MAP2K6: variants seen among roughly 807,000 people sequenced by gnomAD.
MAP2K6 encodes the protein mitogen-activated protein kinase kinase 6.
A neutral mutation model predicts 53.7 loss-of-function variants in MAP2K6; 16 were observed. That is an observed-to-expected ratio of 0.30 (90% CI 0.20 to 0.45). The LOEUF is 0.45. MAP2K6 is among the 20% of genes least tolerant of loss of function. MAP2K6 has a pLI of 1.00. For missense variants in MAP2K6, 204 were observed against 411.9 expected (o/e 0.50, Z 4.37); for synonymous variants, 132 against 143.1 (o/e 0.92, Z 0.55).
intron 8 of MAP2K6, 122 bp from the exon 9 acceptor site, chr17:69,524,779 A>G: frequency 1.6e-6 from 1 of 610,176 alleles, no homozygotes; most frequent in Non-Finnish European, 3.0e-6. Flanking sequence ...CCTTGGTGGC[A>G]TGTTAACAGC....
At chr17:69,506,404 T>C (rs1909473204) in intron 2 of MAP2K6, among the ~76,000 whole-genome samples, 1 of 79,434 alleles carries the variant, frequency 1.3e-5, no homozygotes, top group African/African-American at 5.0e-5. Flanking sequence ...GATGTCTCCT[T>C]CTTGTTTTTT....
At chr17:69,521,207 C>A in intron 7 of MAP2K6, 107 bp downstream of exon 7, 3 of 929,492 alleles carry the variant, frequency 3.2e-6, no homozygotes, top group South Asian at 1.5e-5. Flanking sequence ...AGAATTGACT[C>A]AGGCAAGAGA....
chr17:69,483,397 A>C (rs773381119), intron 1 of MAP2K6, among the ~76,000 whole-genome samples: 1 of 152,132 alleles, frequency 6.6e-6, no homozygotes, highest in Non-Finnish European at 1.5e-5. Flanking sequence ...AAATTTAACG[A>C]AAGAAATGCA....
intron 1 of MAP2K6, among the ~76,000 whole-genome samples, chr17:69,463,454 A>G (rs1182135812): frequency 6.7e-6 from 1 of 149,810 alleles, no homozygotes; most frequent in Non-Finnish European, 1.5e-5. Context: ...ACTAATATAC[A>G]TATATGTATG....
chr17:69,505,143 A>T (rs12946809), intron 1 of MAP2K6, among the ~76,000 whole-genome samples: 1 of 151,508 alleles, frequency 6.6e-6, no homozygotes, highest in Non-Finnish European at 1.5e-5. Context: ...GAAAAAAAAA[A>T]CAAAAACAAA....
At chr17:69,473,886 T>C (rs560223985) in intron 1 of MAP2K6, among the ~76,000 whole-genome samples, 1 of 152,366 alleles carries the variant, frequency 6.6e-6, no homozygotes, top group East Asian at 1.9e-4. Context: ...AGCCTCCCTC[T>C]ACCCTGGTAT....
chr17:69,517,370 A>G (rs917748708), intron 3 of MAP2K6, 130 bp from the exon 4 acceptor site: 1 of 500,730 alleles, frequency 2.0e-6, no homozygotes, highest in African/African-American at 2.0e-5. Flanking sequence ...GGCTGCTTTG[A>G]CATGCTAGAA....
chr17:69,465,653 CTT>C (rs1388481121), intron 1 of MAP2K6, among the ~76,000 whole-genome samples: 1 of 147,402 alleles, frequency 6.8e-6, no homozygotes, highest in Non-Finnish European at 1.5e-5. Context: ...AAGTTTCGCT[CTT>C]GTTGTCCAGG....
intron 1 of MAP2K6, among the ~76,000 whole-genome samples, chr17:69,485,925 A>G (rs561890303): frequency 1.3e-4 from 20 of 152,268 alleles, no homozygotes; most frequent in African/African-American, 3.9e-4. Context: ...AACTTTCCTT[A>G]GATGTTTATG....
At chr17:69,444,871 C>T (rs932176969) in intron 1 of MAP2K6, among the ~76,000 whole-genome samples, 2 of 152,190 alleles carry the variant, frequency 1.3e-5, no homozygotes, top group Non-Finnish European at 1.5e-5. Context: ...ATGCCACTAA[C>T]TTTCATTTAC....
intron 1 of MAP2K6, among the ~76,000 whole-genome samples, chr17:69,460,093 C>G (rs950986874): frequency 3.3e-4 from 50 of 151,446 alleles, no homozygotes; most frequent in Middle Eastern, 3.4e-3. Context: ...CAGACACATC[C>G]CAGATAGCAC....
intron 1 of MAP2K6, among the ~76,000 whole-genome samples, chr17:69,448,448 C>T (rs1290483294): frequency 6.6e-6 from 1 of 152,060 alleles, no homozygotes; most frequent in Non-Finnish European, 1.5e-5. Flanking sequence ...AGGTGCGGAC[C>T]TTTCTGTTCC....
chr17:69,502,494 T>TA (rs1254747564), intron 1 of MAP2K6: 1 of 985,340 alleles, frequency 1.0e-6, no homozygotes, highest in African/African-American at 1.7e-5. Context: ...GGCAGAGTAT[T>TA]TTCTAACACT....
At chr17:69,448,598 T>G (rs1907061436) in intron 1 of MAP2K6, among the ~76,000 whole-genome samples, 1 of 152,028 alleles carries the variant, frequency 6.6e-6, no homozygotes, top group Non-Finnish European at 1.5e-5. Context: ...TGTATTTTCT[T>G]TCTGCTTTTT....
intron 1 of MAP2K6, among the ~76,000 whole-genome samples, chr17:69,425,668 A>G (rs559363655): frequency 2.0e-5 from 3 of 152,332 alleles, no homozygotes; most frequent in Admixed American, 6.5e-5. Context: ...AGCTATACCT[A>G]TGCCTCAGTT....
At chr17:69,444,445 C>T (rs534486721) in intron 1 of MAP2K6, among the ~76,000 whole-genome samples, 9 of 152,304 alleles carry the variant, frequency 5.9e-5, no homozygotes, top group Admixed American at 5.2e-4. Flanking sequence ...GCTCACTCCA[C>T]AGGGCCAGAG....
At chr17:69,422,906 G>A (rs539338736) in intron 1 of MAP2K6, among the ~76,000 whole-genome samples, 39 of 152,238 alleles carry the variant, frequency 2.6e-4, no homozygotes, top group African/African-American at 8.7e-4. Flanking sequence ...TGTTTGAGAT[G>A]GAGTTGCGCT....
chr17:69,456,277 T>C (rs955832524), intron 1 of MAP2K6, among the ~76,000 whole-genome samples: 4 of 152,208 alleles, frequency 2.6e-5, no homozygotes, highest in African/African-American at 7.2e-5. Flanking sequence ...TGAGTGCCTA[T>C]GCTTCGGGCC....
intron 1 of MAP2K6, among the ~76,000 whole-genome samples, chr17:69,478,890 A>G (rs1200152956): frequency 6.6e-6 from 1 of 152,136 alleles, no homozygotes; most frequent in Non-Finnish European, 1.5e-5. Context: ...CTCCTTGGGT[A>G]AGACATTTGC....
Sources: allele counts gnomAD v4.1 joint callset (sites outside exome capture counted in the v4.1 genomes callset), GRCh38; gene constraint gnomAD v4.1.1; transcripts MANE v1.5; gene names NCBI Gene and HGNC (gene_info 2026-07-23, HGNC 2026-07-21).